The following GRM8 variants were observed in gnomAD, a reference collection of about 807,000 sequenced individuals.
GRM8 encodes glutamate metabotropic receptor 8.
Under a neutral mutation model 87.2 loss-of-function variants are expected in GRM8, and 47 were observed. That is an observed-to-expected ratio of 0.54 (90% confidence interval 0.43 to 0.69). The LOEUF is 0.69. Ranked by LOEUF, GRM8 falls within the 30% of genes least tolerant of loss-of-function variation. GRM8 has a pLI of 0.00. For synonymous variants in GRM8, 396 were observed against 404.5 expected (o/e 0.98, Z 0.25); for missense variants, 1,019 against 1,139.2 (o/e 0.89, Z 1.52).
chr7:126,801,241 T>TA (rs1585992155), intron 6 of GRM8, among the ~76,000 whole-genome samples: 1 of 152,102 alleles, frequency 6.6e-6, no homozygotes, highest in Non-Finnish European at 1.5e-5. Flanking sequence ...TGCCAACATT[T>TA]AAAAAAACTT....
intron 10 of GRM8, among the ~76,000 whole-genome samples, chr7:126,440,077 T>C (rs1011652016): frequency 6.6e-6 from 1 of 151,378 alleles, no homozygotes; most frequent in Non-Finnish European, 1.5e-5. Context: ...AAAAAGGAAA[T>C]GTTTAAAATA....
intron 9 of GRM8, among the ~76,000 whole-genome samples, chr7:126,492,248 G>T (rs1044042339): frequency 2.6e-5 from 4 of 151,706 alleles, no homozygotes; most frequent in Non-Finnish European, 5.9e-5. Context: ...ACGGGGTTTC[G>T]CCACGTTGCC....
chr7:126,987,830 A>G (rs1812263738), intron 3 of GRM8, among the ~76,000 whole-genome samples: 2 of 152,194 alleles, frequency 1.3e-5, no homozygotes, highest in Admixed American at 6.5e-5. Context: ...AAATTACTCA[A>G]CAGCCAGAGA....
chr7:127,134,933 A>C (rs1296664894), intron 2 of GRM8, among the ~76,000 whole-genome samples: 2 of 152,186 alleles, frequency 1.3e-5, no homozygotes, highest in Non-Finnish European at 2.9e-5. Flanking sequence ...ATTTTTAAAA[A>C]TGTATTAAAC....
At chr7:126,889,104 C>T (rs1273861254) in intron 6 of GRM8, among the ~76,000 whole-genome samples, 1 of 152,082 alleles carries the variant, frequency 6.6e-6, no homozygotes, top group Non-Finnish European at 1.5e-5. Context: ...GCAAGTTTGA[C>T]ATTTAAGCTC....
At chr7:126,480,598 T>C (rs999378695) in intron 9 of GRM8, among the ~76,000 whole-genome samples, 4 of 152,014 alleles carry the variant, frequency 2.6e-5, no homozygotes, top group East Asian at 1.9e-4. Context: ...TTTCTCACTG[T>C]GTGAGAAAGA....
rs1355005823 is a variant in GRM8 at position 127,229,971 on chromosome 7, C to T, written c.510+12724G>A. The T allele has an allele frequency of 3.9e-5, 6 of 151,966 alleles. No individual in the cohort carries two copies. The South Asian group carries it at 6.2e-4, about 16-fold the overall frequency. The allele number at this position is 151,966 out of a possible 1,614,324, so 9.4% of individuals were successfully genotyped here. A position where few individuals can be genotyped will look rare whatever the true frequency, so the allele number is the denominator to read the frequency against. Reference sequence around the variant, plus strand: ...TTGTGTATCTACATTGAATGATAACCGTGTAAACAGTCAAGATATGCATGT... The same window carrying T: ...TTGTGTATCTACATTGAATGATAACTGTGTAAACAGTCAAGATATGCATGT... On this transcript the variant is annotated intron_variant, in intron 2 of 10. Coordinates refer to ENST00000339582, the MANE Select transcript of GRM8 (RefSeq NM_000845.3).
At chr7:126,516,637 T>C (rs1812210161) in intron 9 of GRM8, among the ~76,000 whole-genome samples, 1 of 152,132 alleles carries the variant, frequency 6.6e-6, no homozygotes, top group Non-Finnish European at 1.5e-5. Context: ...CCCTTTGGTA[T>C]AATACCTGAT....
At chr7:126,596,768 G>A (rs1797240929) in intron 8 of GRM8, among the ~76,000 whole-genome samples, 1 of 152,028 alleles carries the variant, frequency 6.6e-6, no homozygotes, top group Non-Finnish European at 1.5e-5. Flanking sequence ...GTAAAACTAG[G>A]GAGATCTGAA....
At chr7:127,237,057 G>A (rs556374847) in intron 2 of GRM8, among the ~76,000 whole-genome samples, 2 of 152,290 alleles carry the variant, frequency 1.3e-5, no homozygotes, top group South Asian at 2.1e-4. Context: ...AAGTGGAAGT[G>A]GACCTTCATC....
intron 8 of GRM8, among the ~76,000 whole-genome samples, chr7:126,606,678 G>A (rs2151091383): frequency 6.6e-6 from 1 of 152,202 alleles, no homozygotes; most frequent in Middle Eastern, 3.4e-3. Context: ...TCTTCTAAGA[G>A]ATGCATTTTC....
At chr7:126,477,817 C>G (rs1412971565) in intron 9 of GRM8, among the ~76,000 whole-genome samples, 2 of 152,130 alleles carry the variant, frequency 1.3e-5, no homozygotes, top group African/African-American at 4.8e-5. Context: ...GCTGTTCTAA[C>G]AAATTCACAC....
At chr7:126,892,425 T>C (rs556819758) in intron 6 of GRM8, among the ~76,000 whole-genome samples, 1 of 152,098 alleles carries the variant, frequency 6.6e-6, no homozygotes, top group East Asian at 1.9e-4. Context: ...CTGAGAATGA[T>C]GATTTCCAAT....
intron 6 of GRM8, among the ~76,000 whole-genome samples, chr7:126,901,302 A>G (rs1802051181): frequency 6.6e-6 from 1 of 152,182 alleles, no homozygotes; most frequent in Non-Finnish European, 1.5e-5. Flanking sequence ...CACACAGTCT[A>G]ATTACCTTCC....
At chr7:126,849,395 T>C (rs1797001029) in intron 6 of GRM8, among the ~76,000 whole-genome samples, 1 of 152,130 alleles carries the variant, frequency 6.6e-6, no homozygotes, top group Non-Finnish European at 1.5e-5. Context: ...AAGATAATCT[T>C]AGGAATTCTC....
intron 2 of GRM8, among the ~76,000 whole-genome samples, chr7:127,216,529 A>C (rs1161466003): frequency 4.0e-5 from 6 of 150,544 alleles, no homozygotes; most frequent in South Asian, 2.1e-4. Flanking sequence ...AAAAAAAAAA[A>C]AAAAACAAAA....
chr7:126,651,773 A>G (rs1165579333), intron 7 of GRM8, among the ~76,000 whole-genome samples: 1 of 152,140 alleles, frequency 6.6e-6, no homozygotes, highest in Admixed American at 6.5e-5. Context: ...ACTGCTCCAC[A>G]ATGAAGGTAA....
intron 7 of GRM8, among the ~76,000 whole-genome samples, chr7:126,680,352 A>G (rs1486624169): frequency 6.6e-6 from 1 of 152,210 alleles, no homozygotes; most frequent in Non-Finnish European, 1.5e-5. Context: ...CATTTCTTTG[A>G]TCAAGAAGAA....
chr7:126,464,851 CTA>C (rs1278262217), intron 9 of GRM8, among the ~76,000 whole-genome samples: 2 of 151,612 alleles, frequency 1.3e-5, no homozygotes, highest in Non-Finnish European at 3.0e-5. Context: ...AGTGTATTGT[CTA>C]TGTCTTGAAA....
Sources: allele counts gnomAD v4.1 joint callset (sites outside exome capture counted in the v4.1 genomes callset), GRCh38; gene constraint gnomAD v4.1.1; transcripts MANE v1.5; gene names NCBI Gene and HGNC (gene_info 2026-07-23, HGNC 2026-07-21).